GEMIN5: variants seen among roughly 807,000 people sequenced by gnomAD.
GEMIN5 encodes the protein gem-associated protein 5.
In GEMIN5, 124 loss-of-function variants were observed where a neutral mutation model predicts 176.9. That is an observed-to-expected ratio of 0.70 (90% CI 0.61 to 0.81). The LOEUF is 0.81. GEMIN5 is among the 40% of genes least tolerant of loss of function. The pLI is 0.00. For synonymous variants in GEMIN5, 673 were observed against 665.2 expected (o/e 1.01, Z -0.18); for missense variants, 1,843 against 1,814.6 (o/e 1.02, Z -0.28).
intron 14 of GEMIN5, among the ~76,000 whole-genome samples, chr5:154,912,552 T>G (rs948538789): frequency 6.6e-6 from 1 of 152,234 alleles, no homozygotes; most frequent in Admixed American, 6.5e-5. Flanking sequence ...AAAAAATTGT[T>G]TTGTGATTTT....
chr5:154,933,853 A>G (rs549714214), intron 3 of GEMIN5, among the ~76,000 whole-genome samples: 1 of 152,088 alleles, frequency 6.6e-6, no homozygotes, highest in African/African-American at 2.4e-5. Flanking sequence ...ACTCCTGCCT[A>G]CCACCTTTCT....
At chr5:154,890,757 C>G (rs1319516775) in intron 26 of GEMIN5, among the ~76,000 whole-genome samples, 1 of 152,058 alleles carries the variant, frequency 6.6e-6, no homozygotes, top group Non-Finnish European at 1.5e-5. Context: ...TGCCACCACA[C>G]CTGGTTACTT....
intron 24 of GEMIN5, 82 bp from the exon 25 acceptor site, chr5:154,892,631 G>T (rs541825725): frequency 1.2e-4 from 155 of 1,339,316 alleles, no homozygotes; most frequent in Admixed American, 4.6e-5. Flanking sequence ...CCTGTGAACC[G>T]CATTTGGAAA....
In GEMIN5 at chr5:154,893,517, CAT is replaced by C. The variant is rs201255197; in HGVS notation, c.3598-970_3598-969del. On this transcript the variant is annotated intron_variant, in intron 24 of 27. Coordinates refer to ENST00000285873, the MANE Select transcript of GEMIN5 (RefSeq NM_015465.5). Reference sequence around the variant, plus strand: ...AATTTTAAGTATGTAGTTTGAGAAACATATATAGTTACAACACTACCAGCAAA... The same window carrying C: ...AATTTTAAGTATGTAGTTTGAGAAACATATAGTTACAACACTACCAGCAAA... Among the ~76,000 whole-genome samples the C allele has an allele frequency of 7.3e-3, 1,108 of 152,166 alleles. 10 individuals carry two copies. The highest frequency in any genetic ancestry group is 0.012 in the South Asian group (58 of 4,830).
At position 154,892,437 on chromosome 5, in the gene GEMIN5, G is replaced by A; in HGVS notation, c.3710C>T (p.Ser1237Leu). 1 of 1,614,134 alleles carries A rather than the reference G, an allele frequency of 6.2e-7. No homozygotes were observed. ...TTCCTGCATGATGGTGAAGCTCCCTGAGTCATAGCTCCGGACCACCGCCCG... is the reference window on the plus strand; with the variant it reads ...TTCCTGCATGATGGTGAAGCTCCCTAAGTCATAGCTCCGGACCACCGCCCG... Reference protein sequence around the residue: ...LLRAVVRSYDSGSFTIMQEVY... With the variant: ...LLRAVVRSYDLGSFTIMQEVY... Residue 1237 changes from serine (S) to leucine (L), a missense_variant, in exon 25 of 28, where the codon TCA (serine) becomes TTA (leucine). By Grantham distance (145) the Ser-to-Leu change is moderately radical. Coordinates refer to ENST00000285873, the MANE Select transcript of GEMIN5 (RefSeq NM_015465.5).
chr5:154,901,475 C>T lies in GEMIN5; in HGVS notation c.2878G>A (p.Val960Met), dbSNP rs1342551595. 1 of 1,613,360 alleles carries T rather than the reference C, an allele frequency of 6.2e-7. No homozygotes were observed. The highest frequency in any genetic ancestry group is 2.2e-5 in the East Asian group (1 of 44,888). ...AAAGCTTCCACAGCCCATAGCCACA[C>T]ATGGTAGCCAGCTGAAAAAATAAAA... ...VAMAPAAGYHVWLWAVEAFAK... is the reference protein window; with the variant it reads ...VAMAPAAGYHMWLWAVEAFAK... Residue 960 changes from valine to methionine, a missense_variant, in exon 21 of 28, where the codon GTG (valine) becomes ATG (methionine). Physicochemically the swap from Val to Met is conservative, Grantham distance 21. Coordinates refer to ENST00000285873, the MANE Select transcript of GEMIN5 (RefSeq NM_015465.5).
chr5:154,891,216 G>A lies in GEMIN5; in HGVS notation c.4262+25C>T, dbSNP rs763173598. ...AGCCAGCAGGGTCATTTTTCATTCCGTCTTGTACTTGCCTCAGTACTTACC... is the reference window on the plus strand; with the variant it reads ...AGCCAGCAGGGTCATTTTTCATTCCATCTTGTACTTGCCTCAGTACTTACC... On this transcript the variant is annotated intron_variant, in intron 26 of 27. Coordinates refer to ENST00000285873, the MANE Select transcript of GEMIN5 (RefSeq NM_015465.5). The A allele has an allele frequency of 2.8e-5, 45 of 1,597,058 alleles. No homozygotes were observed. In the Admixed American group the frequency reaches 5.7e-4, roughly 20 times the overall value.
intron 26 of GEMIN5, among the ~76,000 whole-genome samples, chr5:154,890,878 C>T (rs1763209471): frequency 6.6e-6 from 1 of 152,124 alleles, no homozygotes; most frequent in Admixed American, 6.6e-5. Context: ...ATTCTCTGGC[C>T]TCAGCCCCCC....
rs187393331 is a variant in GEMIN5 at position 154,912,553 on chromosome 5, T to C, written c.1995+346A>G. On this transcript the variant is annotated intron_variant, in intron 14 of 27. Coordinates refer to ENST00000285873, the MANE Select transcript of GEMIN5 (RefSeq NM_015465.5). ...ACCAATTTATTATTAAAAAATTGTT[T>C]TGTGATTTTTAGCCAACATTTCAGT... is the stretch of plus-strand genomic sequence containing the variant. 3.9e-5 allele frequency among the ~76,000 whole-genome samples: 6 copies of C among 152,354 alleles called. 1 individual carries two copies. Among genetic ancestry groups the C allele is most frequent in the Admixed American group, 3.9e-4 (6 of 15,304 alleles).
intron 6 of GEMIN5, 29 bp from the exon 7 acceptor site, chr5:154,927,579 C>A: frequency 2.6e-6 from 4 of 1,518,222 alleles, no homozygotes; most frequent in Middle Eastern, 1.7e-4. Context: ...AGCATTAGTT[C>A]TTTTACAAAC....
At chr5:154,890,965 A>T (rs1367322920) in intron 26 of GEMIN5, among the ~76,000 whole-genome samples, 1 of 151,400 alleles carries the variant, frequency 6.6e-6, no homozygotes, top group African/African-American at 2.4e-5. Flanking sequence ...CATGTTGGCC[A>T]GGCTGGTCTC....
At chr5:154,898,679 A>C in intron 22 of GEMIN5, 29 bp from the exon 23 acceptor site, 1 of 1,500,888 alleles carries the variant, frequency 6.7e-7, no homozygotes, top group Non-Finnish European at 9.3e-7. Flanking sequence ...TGTGAAGAAA[A>C]TGTCACAAAC....
chr5:154,905,561 T>C, intron 16 of GEMIN5, 85 bp from the exon 17 acceptor site: 1 of 629,494 alleles, frequency 1.6e-6, no homozygotes. Flanking sequence ...TAAGAGCCAT[T>C]CCAAGCTTAG....
intron 24 of GEMIN5, among the ~76,000 whole-genome samples, chr5:154,893,084 G>A (rs1166030716): frequency 6.6e-6 from 1 of 151,134 alleles, no homozygotes; most frequent in Non-Finnish European, 1.5e-5. Flanking sequence ...GCATGAGAGT[G>A]AGACTCCCTC....
At position 154,896,108 on chromosome 5, in the gene GEMIN5, T is replaced by A. The variant is rs757530433; in HGVS notation, c.3581A>T (p.Asn1194Ile). The part of the protein sequence containing the change: ...QNIKYPSATN[N>I]TPAKQLLLHI... ...ATGGCTTACCTGTTTGGCAGGTGTG[T>A]TATTTGTAGCAGATGGGTACTTGAT... Residue 1194 changes from asparagine (N) to isoleucine (I), a missense_variant, in exon 24 of 28, where the codon AAC becomes ATC. Coordinates refer to ENST00000285873, the MANE Select transcript of GEMIN5 (RefSeq NM_015465.5). The A allele has an allele frequency of 5.0e-6, 8 of 1,613,394 alleles. No homozygotes were observed. In the South Asian group the frequency reaches 8.8e-5, roughly 18 times the overall value.
In GEMIN5 at chr5:154,888,049, TGG is replaced by T. The variant is rs1763145699; in HGVS notation, c.*159_*160del. The stretch of plus-strand genomic sequence containing the variant: ...CTAAAGTCAGATCCACCGTTGTCTA[TGG>T]GTAGGCAGGGTTGATTCAAACTTAA... On this transcript the variant is annotated 3_prime_UTR_variant, in exon 28 of 28. Transcript: ENST00000285873. 1.5e-6 allele frequency: 1 copy of T among 652,430 alleles called. No homozygotes were observed. The highest frequency in any genetic ancestry group is 2.9e-5 in the Admixed American group (1 of 34,760). The allele number at this position is 652,430 out of a possible 1,614,324, so 40.4% of individuals were successfully genotyped here.
At chr5:154,930,008 T>A (rs934032760) in intron 5 of GEMIN5, among the ~76,000 whole-genome samples, 3 of 152,208 alleles carry the variant, frequency 2.0e-5, no homozygotes, top group Admixed American at 6.5e-5. Context: ...TGTCAGTATG[T>A]TCAATTATTT....
chr5:154,918,840 G>T (rs374483313), intron 11 of GEMIN5, among the ~76,000 whole-genome samples: 1 of 151,706 alleles, frequency 6.6e-6, no homozygotes, highest in Non-Finnish European at 1.5e-5. Flanking sequence ...CCAGGAGTCC[G>T]AGATCACAGC....
At chr5:154,920,194 T>C in intron 10 of GEMIN5, 91 bp from the exon 11 acceptor site, 4 of 942,792 alleles carry the variant, frequency 4.2e-6, no homozygotes, top group Non-Finnish European at 6.2e-6. Flanking sequence ...TACTACATAG[T>C]TGTTTTAAAA....
Sources: gnomAD v4.1 joint callset for allele counts (sites outside exome capture counted in the v4.1 genomes callset) on GRCh38, gnomAD v4.1.1 for gene constraint, MANE v1.5 for transcripts, NCBI Gene and HGNC (gene_info 2026-07-23, HGNC 2026-07-21) for gene names.